The following NEDD9 variants were observed in gnomAD, a reference collection of about 807,000 sequenced individuals.
NEDD9 encodes the protein enhancer of filamentation 1.
Under a neutral mutation model 76.6 loss-of-function variants are expected in NEDD9, and 26 were observed. The ratio of observed to expected loss-of-function variants is 0.34; its 90% CI spans 0.25 to 0.47. The LOEUF is 0.47. NEDD9 is among the 20% of genes least tolerant of loss of function. The pLI is 1.00. For synonymous variants in NEDD9, 392 were observed against 414.2 expected, an observed-to-expected ratio of 0.95 and a Z score of 0.65; for missense variants, 937 against 1,058.5, an observed-to-expected ratio of 0.89 and a Z score of 1.59.
chr6:11,236,820 C>T (rs1264588691), upstream of NEDD9, among the ~76,000 whole-genome samples: 1 of 151,830 alleles, frequency 6.6e-6, no homozygotes, highest in Non-Finnish European at 1.5e-5. The surrounding 1 kb of genome is among the most constrained non-coding windows in gnomAD (Gnocchi z 5.5). Flanking sequence ...TGTTTAAAAA[C>T]CTCTAGTGAC....
At position 11,183,872 on chromosome 6, in the gene NEDD9, TGGGGTA is replaced by T. The variant is rs1297695307; in HGVS notation, c.*1284_*1289del. ...GGTAATATGTGAATACATTTACCCA[TGGGGTA>T]GAAGTATTTCACCTGCCCCATGAAG... On this transcript the variant is annotated 3_prime_UTR_variant, in exon 7 of 7. Coordinates refer to ENST00000379446, the MANE Select transcript of NEDD9 (RefSeq NM_006403.4). 2 of 152,234 alleles carry T rather than the reference TGGGGTA, an allele frequency of 1.3e-5. No homozygotes were observed. The highest frequency in any genetic ancestry group is 2.9e-5 in the Non-Finnish European group (2 of 68,044). 9.4% of individuals were successfully genotyped at this position (152,234 alleles called of 1,614,324 possible).
chr6:11,376,737 T>C (rs953165213), intron 1 of NEDD9, among the ~76,000 whole-genome samples: 3 of 152,220 alleles, frequency 2.0e-5, no homozygotes, highest in African/African-American at 7.2e-5. Flanking sequence ...TCCAAGCAGG[T>C]TGTGAAACAT....
In NEDD9 at chr6:11,289,806, G is replaced by A. The variant is rs191275756; in HGVS notation, c.12+16186C>T. On this transcript the variant is annotated intron_variant, in intron 3 of 3. Transcript: ENST00000397378. ...CCTAGCTGTTATAGGTCAGGGGTGG[G>A]GAGGGTAGGGAAGGAGAGAAGGAGA... 3.1e-3 allele frequency among the ~76,000 whole-genome samples: 466 copies of A among 152,214 alleles called. 1 individual carries two copies. Among genetic ancestry groups the A allele is most frequent in the African/African-American group, 0.011 (438 of 41,526 alleles).
At chr6:11,278,413 C>T (rs942217076) in intron 3 of NEDD9, among the ~76,000 whole-genome samples, 3 of 152,236 alleles carry the variant, frequency 2.0e-5, no homozygotes, top group African/African-American at 7.2e-5. Flanking sequence ...GATACTTGCT[C>T]GAGGCCACAG....
intron 2 of NEDD9, among the ~76,000 whole-genome samples, chr6:11,322,776 C>G (rs1001111420): frequency 6.6e-6 from 1 of 152,208 alleles, no homozygotes; most frequent in Non-Finnish European, 1.5e-5. Flanking sequence ...CTGCTCTAAA[C>G]CTGCCTACCA....
intron 1 of NEDD9, among the ~76,000 whole-genome samples, chr6:11,221,450 T>G (rs1197012226): frequency 1.3e-5 from 2 of 151,836 alleles, no homozygotes; most frequent in Non-Finnish European, 2.9e-5. Context: ...TTTATAGGTA[T>G]TAGAACCAGA....
chr6:11,323,041 T>A (rs1716129534), intron 2 of NEDD9, among the ~76,000 whole-genome samples: 1 of 152,256 alleles, frequency 6.6e-6, no homozygotes, highest in African/African-American at 2.4e-5. Context: ...AGGAGTTATT[T>A]TTTTCTCTTT....
Position 11,275,452 on chromosome 6 carries a change from TA to T in NEDD9, c.12+30539del, listed in dbSNP as rs1188219279. ...TATGTCAGCTAATGCATATGTTAAT[TA>T]GCTTGATTTAGCCATTGCACAAACA... On this transcript the variant is annotated intron_variant, in intron 3 of 3. Transcript: ENST00000397378. Among the ~76,000 whole-genome samples the T allele has an allele frequency of 2.0e-3, 305 of 152,278 alleles. 4 individuals carry two copies. Among genetic ancestry groups the T allele is most frequent in the Non-Finnish European group, 1.8e-4 (12 of 68,016 alleles).
chr6:11,355,995 G>A (rs149347260), intron 1 of NEDD9, among the ~76,000 whole-genome samples: 3,347 of 152,140 alleles, frequency 0.022, 116 homozygotes, highest in African/African-American at 0.067. Flanking sequence ...TCCTGGGATT[G>A]CAGGCGTGAG....
intron 3 of NEDD9, among the ~76,000 whole-genome samples, chr6:11,291,833 C>T (rs189207266): frequency 1.4e-4 from 22 of 152,304 alleles, no homozygotes; most frequent in Admixed American, 2.6e-4. Context: ...GGCTCTCTCA[C>T]TAAGAAGAAG....
At chr6:11,290,933 A>G (rs1760748782) in intron 3 of NEDD9, among the ~76,000 whole-genome samples, 1 of 152,152 alleles carries the variant, frequency 6.6e-6, no homozygotes, top group Non-Finnish European at 1.5e-5. Flanking sequence ...GTAGAGTGCC[A>G]GTGGAAGTGA....
At chr6:11,226,415 T>A (rs760005065) in intron 1 of NEDD9, among the ~76,000 whole-genome samples, 2 of 152,218 alleles carry the variant, frequency 1.3e-5, no homozygotes, top group Non-Finnish European at 2.9e-5. Context: ...GTCCTGGTAA[T>A]TCAGCCTATA....
Position 11,190,285 on chromosome 6 carries a change from C to A in NEDD9, c.1584G>T (p.Leu528=). The A allele has an allele frequency of 6.2e-7, 1 of 1,614,220 alleles. No individual in the cohort carries two copies. Among genetic ancestry groups the A allele is most frequent in the Admixed American group, 1.7e-5 (1 of 60,028 alleles). ...INKPQNKCDD[L]DRFVMVAKTV... is the part of the protein sequence containing the mutation. ...TCTTTGCCACCATCACAAACCGGTC[C>A]AGATCGTCACACTTGTTCTGGGGCT... Residue 528 remains leucine (L), a synonymous_variant, in exon 5 of 7, where the codon CTG becomes CTT. Transcript: ENST00000379446. This position sits in a 1 kb window ranked among gnomAD's most constrained non-coding sequence, Gnocchi z 5.8.
At chr6:11,210,327 C>G (rs1406738714) in intron 2 of NEDD9, among the ~76,000 whole-genome samples, 2 of 152,136 alleles carry the variant, frequency 1.3e-5, no homozygotes, top group African/African-American at 4.8e-5. Context: ...TAAACCCCAC[C>G]CCGGTGGCTC....
chr6:11,188,528 G>C (rs970782275), intron 5 of NEDD9, among the ~76,000 whole-genome samples: 2 of 151,194 alleles, frequency 1.3e-5, no homozygotes, highest in African/African-American at 4.9e-5. Flanking sequence ...TAAAATTTTC[G>C]GAGAGCTACT....
upstream of NEDD9, among the ~76,000 whole-genome samples, chr6:11,237,305 A>G (rs574906940): frequency 4.7e-4 from 71 of 152,262 alleles, no homozygotes; most frequent in African/African-American, 1.7e-3. This position sits in a 1 kb window ranked among gnomAD's most constrained non-coding sequence, Gnocchi z 4.9. Context: ...CCTGTTGTAT[A>G]CCTTAGAGGT....
upstream of NEDD9, chr6:11,233,153 C>G: frequency 2.0e-6 from 1 of 493,732 alleles, no homozygotes. Context: ...CTCTCTCTCT[C>G]TCTGTCCCTT....
chr6:11,350,563 C>CT (rs1762446636), intron 1 of NEDD9, among the ~76,000 whole-genome samples: 1 of 152,226 alleles, frequency 6.6e-6, no homozygotes, highest in Admixed American at 6.5e-5. Context: ...TCCTCCGTGA[C>CT]TAACTGTGGG....
intron 1 of NEDD9, among the ~76,000 whole-genome samples, chr6:11,338,091 A>ATT (rs1210064563): frequency 1.3e-5 from 2 of 152,126 alleles, no homozygotes; most frequent in Non-Finnish European, 2.9e-5. Flanking sequence ...GTGCCTCAGA[A>ATT]TGTCATCTTA....
Sources: allele counts gnomAD v4.1 joint callset (sites outside exome capture counted in the v4.1 genomes callset), GRCh38; gene constraint gnomAD v4.1.1; non-coding constraint Gnocchi (gnomAD v3.1); transcripts MANE v1.5; gene names NCBI Gene and HGNC (gene_info 2026-07-23, HGNC 2026-07-21).